BCAR3: variants seen among roughly 807,000 people sequenced by gnomAD.
BCAR3 encodes BCAR3 adaptor protein, NSP family member.
Under a neutral mutation model 80.1 loss-of-function variants are expected in BCAR3, and 37 were observed. That is an observed-to-expected ratio of 0.46 (90% CI 0.36 to 0.61). BCAR3 has a LOEUF of 0.61. Ranked by LOEUF, BCAR3 falls within the 20% of genes least tolerant of loss-of-function variation. BCAR3 has a pLI of 0.00. For synonymous variants in BCAR3, 389 were observed against 418.9 expected (o/e 0.93, Z 0.87); for missense variants, 978 against 1,068.2 (o/e 0.92, Z 1.18).
chr1:93,746,604 G>A (rs1007708913), intron 2 of BCAR3, among the ~76,000 whole-genome samples: 1 of 152,174 alleles, frequency 6.6e-6, no homozygotes, highest in Middle Eastern at 3.2e-3. Flanking sequence ...TGCCCAGCAC[G>A]TACACCTGTA....
intron 2 of BCAR3, among the ~76,000 whole-genome samples, chr1:93,655,293 T>C (rs1036695949): frequency 6.6e-6 from 1 of 152,132 alleles, no homozygotes; most frequent in African/African-American, 2.4e-5. Flanking sequence ...GAAATCAGAT[T>C]AGCTGGAGGG....
intron 2 of BCAR3, among the ~76,000 whole-genome samples, chr1:93,725,377 C>T (rs1650545230): frequency 6.6e-6 from 1 of 152,228 alleles, no homozygotes; most frequent in Admixed American, 6.5e-5. Flanking sequence ...CCTGCCTGTA[C>T]TTCCTTTGCT....
At chr1:93,564,859 A>G (rs913806723) in intron 11 of BCAR3, among the ~76,000 whole-genome samples, 3 of 152,162 alleles carry the variant, frequency 2.0e-5, no homozygotes, top group African/African-American at 7.2e-5. Context: ...CATCTAAGAG[A>G]GGATGTGGTC....
intron 2 of BCAR3, among the ~76,000 whole-genome samples, chr1:93,831,525 C>G (rs1288084368): frequency 6.6e-6 from 1 of 152,140 alleles, no homozygotes; most frequent in African/African-American, 2.4e-5. Context: ...GTCTGAGGTG[C>G]CTGATGTCCA....
chr1:93,631,405 C>T (rs537018521), intron 3 of BCAR3, among the ~76,000 whole-genome samples: 1 of 152,346 alleles, frequency 6.6e-6, no homozygotes, highest in East Asian at 1.9e-4. Context: ...ATTCAACCCA[C>T]AGCAGTGTCC....
intron 8 of BCAR3, among the ~76,000 whole-genome samples, chr1:93,572,976 G>A (rs909688699): frequency 6.6e-6 from 1 of 152,174 alleles, no homozygotes; most frequent in Non-Finnish European, 1.5e-5. Context: ...GTGTGTTTGC[G>A]TATATATGCA....
rs1252985114 is a variant in BCAR3, at chr1:93,677,978, T to C, written c.-11-3037A>G. ...GGAATCATACAATACCCATGAATTA[T>C]ACCCCTGCTCTCTCTTACCATGGCT... On this transcript the variant is annotated intron_variant, in intron 1 of 11. Coordinates refer to ENST00000260502, the MANE Select transcript of BCAR3 (RefSeq NM_003567.4). Among the ~76,000 whole-genome samples, 4 of 152,214 alleles carry C rather than the reference T, an allele frequency of 2.6e-5. No individual in the cohort carries two copies. The East Asian group carries it at 5.8e-4, about 22-fold the overall frequency.
At chr1:93,766,527 T>C (rs975775472) in intron 2 of BCAR3, among the ~76,000 whole-genome samples, 1 of 152,242 alleles carries the variant, frequency 6.6e-6, no homozygotes, top group Non-Finnish European at 1.5e-5. Flanking sequence ...ACTGCAGGAA[T>C]GCTGGGTTCT....
intron 2 of BCAR3, among the ~76,000 whole-genome samples, chr1:93,661,327 C>T (rs1291184709): frequency 6.6e-6 from 1 of 152,124 alleles, no homozygotes; most frequent in Admixed American, 6.5e-5. Context: ...GTGTAAGCCA[C>T]TGCACCCGGC....
chr1:93,706,297 C>G (rs1039332518), intron 2 of BCAR3, among the ~76,000 whole-genome samples: 1 of 152,136 alleles, frequency 6.6e-6, no homozygotes, highest in Non-Finnish European at 1.5e-5. Context: ...CTGGAGTCAC[C>G]TTCTCTGGGC....
At chr1:93,844,772 G>A (rs1017085103) in intron 2 of BCAR3, among the ~76,000 whole-genome samples, 6 of 149,740 alleles carry the variant, frequency 4.0e-5, no homozygotes, top group South Asian at 2.1e-4. Context: ...GCAGTGGCGC[G>A]ATCATAGCTC....
intron 3 of BCAR3, among the ~76,000 whole-genome samples, chr1:93,618,865 G>A (rs1166744358): frequency 2.0e-5 from 3 of 150,532 alleles, no homozygotes; most frequent in African/African-American, 7.3e-5. Context: ...TGTCCAATCC[G>A]CTTTACTATG....
intron 2 of BCAR3, among the ~76,000 whole-genome samples, chr1:93,657,846 T>C (rs950839872): frequency 1.3e-5 from 2 of 152,138 alleles, no homozygotes; most frequent in Non-Finnish European, 2.9e-5. Flanking sequence ...GAAAAGGGTA[T>C]CTGCCAAAAA....
rs1211291322 is a variant in BCAR3, at chr1:93,582,916, T to A, written c.1071A>T (p.Thr357=). Reference sequence around the variant, plus strand: ...ACACAGGTGAGTTTGGGCAGGGGCTTGTGTCCACACCCGAGGACTGAGGTG... The same window carrying A: ...ACACAGGTGAGTTTGGGCAGGGGCTAGTGTCCACACCCGAGGACTGAGGTG... ...KLPPQSSGVD[T]SPCPNSPVFR... The change falls in exon 7 of 12, where the codon ACA becomes ACT. Residue 357 remains threonine (T), a synonymous_variant. Coordinates refer to ENST00000260502, the MANE Select transcript of BCAR3 (RefSeq NM_003567.4). The A allele has an allele frequency of 1.2e-6, 2 of 1,603,642 alleles. No individual in the cohort carries two copies. The highest frequency in any genetic ancestry group is 1.7e-6 in the Non-Finnish European group (2 of 1,179,264).
At chr1:93,724,851 C>T (rs1183784158) in intron 2 of BCAR3, among the ~76,000 whole-genome samples, 1 of 152,190 alleles carries the variant, frequency 6.6e-6, no homozygotes, top group African/African-American at 2.4e-5. Flanking sequence ...CACTTCCACC[C>T]ACCAACCCAT....
intron 11 of BCAR3, among the ~76,000 whole-genome samples, 182 bp from the exon 12 acceptor site, chr1:93,562,601 C>G (rs1418992701): frequency 6.6e-6 from 1 of 151,690 alleles, no homozygotes; most frequent in African/African-American, 2.4e-5. Context: ...AATCCCGTCT[C>G]TACTAAAAAA....
intron 3 of BCAR3, among the ~76,000 whole-genome samples, chr1:93,617,852 G>A (rs142013233): frequency 0.028 from 4,256 of 152,280 alleles, 80 homozygotes; most frequent in Non-Finnish European, 0.041. Flanking sequence ...TCGGCTCTGT[G>A]GAGAGCAGTG....
At chr1:93,659,650 A>T (rs1179735641) in intron 2 of BCAR3, among the ~76,000 whole-genome samples, 3 of 152,114 alleles carry the variant, frequency 2.0e-5, no homozygotes, top group African/African-American at 7.2e-5. Context: ...TTCTCATTTT[A>T]TATTTTTTAG....
chr1:93,692,043 A>C (rs1649212148), intron 3 of BCAR3, among the ~76,000 whole-genome samples: 1 of 152,228 alleles, frequency 6.6e-6, no homozygotes, highest in South Asian at 2.1e-4. Context: ...TTGGAATGCA[A>C]GTGAGTGAAA....
Sources: gnomAD v4.1 joint callset for allele counts (sites outside exome capture counted in the v4.1 genomes callset) on GRCh38, gnomAD v4.1.1 for gene constraint, MANE v1.5 for transcripts, NCBI Gene and HGNC (gene_info 2026-07-23, HGNC 2026-07-21) for gene names.